The following DENND4C variants were observed in gnomAD, a reference collection of about 807,000 sequenced individuals.
The protein encoded by DENND4C is DENN domain containing 4C.
DENND4C carries 108 observed loss-of-function variants against 203.0 expected under a neutral mutation model. That is an observed-to-expected ratio of 0.53 (90% CI 0.46 to 0.62). DENND4C has a LOEUF of 0.62. DENND4C is among the 20% of genes least tolerant of loss of function. DENND4C has a pLI of 0.00. For missense variants in DENND4C, 2,481 were observed against 2,301.2 expected (o/e 1.08, Z -1.60); for synonymous variants, 871 against 792.4 (o/e 1.10, Z -1.67).
intron 10 of DENND4C, among the ~76,000 whole-genome samples, chr9:19,307,247 T>G (rs1413565197): frequency 1.3e-5 from 2 of 151,238 alleles, no homozygotes; most frequent in Non-Finnish European, 2.9e-5. Context: ...AATAAAAAAT[T>G]AGCTAGGAGT....
chr9:19,349,107 A>C lies in DENND4C; in HGVS notation c.4318-1595A>C, dbSNP rs924249879. Among the ~76,000 whole-genome samples, 8 of 152,022 alleles carry C rather than the reference A, an allele frequency of 5.3e-5. No homozygotes were observed. In the East Asian group the frequency reaches 1.3e-3, roughly 26 times the overall value. On this transcript the variant is annotated intron_variant, in intron 23 of 32. Transcript: ENST00000434457. ...AGCCACTGCACCCGGCCTTTGTTTT[A>C]TTTTTGAAATTTTATTGAGGTTGGT...
In DENND4C at chr9:19,346,412, A is replaced by G. The variant is rs761848258; in HGVS notation, c.3643A>G (p.Asn1215Asp). ...YESLLSDSNS[N>D]QSRDLKTVSK... ...GAGTCTACTAAGTGATAGTAACAGT[A>G]ATCAGTCCAGAGACTTGAAAACAGT... Residue 1215 changes from asparagine to aspartate, a missense_variant, in exon 23 of 33, where the codon AAT becomes GAT. This residue lies in a region of DENND4C where 2,289 missense variants were observed against 2,113.3 expected (regional missense o/e 1.08). Coordinates refer to ENST00000434457, the MANE Select transcript of DENND4C (RefSeq NM_001330640.2). The G allele has an allele frequency of 3.3e-5, 53 of 1,614,056 alleles. No individual in the cohort carries two copies. Among genetic ancestry groups the G allele is most frequent in the Non-Finnish European group, 4.1e-5 (48 of 1,180,032 alleles).
chr9:19,330,552 A>G (rs140961006), intron 16 of DENND4C, among the ~76,000 whole-genome samples: 3,239 of 151,716 alleles, frequency 0.021, 117 homozygotes, highest in African/African-American at 0.075. Context: ...GTTGGCCAGG[A>G]TGATCTCGAT....
At chr9:19,268,149 G>C (rs1163345324) in intron 1 of DENND4C, among the ~76,000 whole-genome samples, 5 of 151,718 alleles carry the variant, frequency 3.3e-5, no homozygotes, top group African/African-American at 1.2e-4. Flanking sequence ...GCCCATGCTG[G>C]AGTGCAGTGG....
intron 1 of DENND4C, among the ~76,000 whole-genome samples, chr9:19,266,737 T>A (rs906186454): frequency 6.6e-6 from 1 of 152,214 alleles, no homozygotes; most frequent in Admixed American, 6.5e-5. Context: ...AAGGATTCCT[T>A]ATTTAATAAA....
chr9:19,277,998 C>G (rs780340754), intron 2 of DENND4C, among the ~76,000 whole-genome samples: 1 of 150,844 alleles, frequency 6.6e-6, no homozygotes, highest in Non-Finnish European at 1.5e-5. Context: ...AACTATGATA[C>G]CATACCTTAA....
intron 1 of DENND4C, among the ~76,000 whole-genome samples, chr9:19,252,701 C>G (rs1019694419): frequency 7.1e-6 from 1 of 141,688 alleles, no homozygotes; most frequent in Admixed American, 7.7e-5. Flanking sequence ...TTAACCAAAT[C>G]AGCGTGTGTA....
At chr9:19,237,270 T>C (rs1822208259) in intron 1 of DENND4C, among the ~76,000 whole-genome samples, 2 of 151,974 alleles carry the variant, frequency 1.3e-5, no homozygotes, top group African/African-American at 2.4e-5. Flanking sequence ...CCGCCCACCT[T>C]GGCCTTCCAG....
chr9:19,233,402 G>C (rs1821061289), intron 1 of DENND4C, among the ~76,000 whole-genome samples: 1 of 152,022 alleles, frequency 6.6e-6, no homozygotes, highest in Non-Finnish European at 1.5e-5. Context: ...TAAAACAATA[G>C]GTCTTTAGCA....
rs1260090383 is a variant in DENND4C, at chr9:19,246,465, G to A, written c.-18+15632G>A. Among the ~76,000 whole-genome samples, 5 of 152,114 alleles carry A rather than the reference G, an allele frequency of 3.3e-5. No individual in the cohort carries two copies. In the East Asian group the frequency reaches 9.6e-4, roughly 29 times the overall value. The stretch of plus-strand genomic sequence containing the variant: ...TATTATTTTTTATAATAGAGATGAG[G>A]TCTCGCTATGTCAAGCAATCCTCCC... On this transcript the variant is annotated intron_variant, in intron 1 of 32. Transcript: ENST00000434457.
intron 1 of DENND4C, among the ~76,000 whole-genome samples, chr9:19,233,107 A>C (rs949850161): frequency 5.9e-5 from 9 of 152,132 alleles, no homozygotes; most frequent in Non-Finnish European, 1.5e-5. Context: ...ACAGGTTGTA[A>C]AGTAAAAAAG....
chr9:19,322,527 C>A (rs868365153), intron 12 of DENND4C, among the ~76,000 whole-genome samples: 1 of 151,762 alleles, frequency 6.6e-6, no homozygotes, highest in Non-Finnish European at 1.5e-5. Flanking sequence ...TTTCGGAGGC[C>A]GAGGTGGGCG....
intron 3 of DENND4C, among the ~76,000 whole-genome samples, chr9:19,287,279 C>T (rs1027380962): frequency 1.3e-5 from 2 of 152,124 alleles, no homozygotes; most frequent in East Asian, 3.9e-4. Flanking sequence ...AGGTTTTATT[C>T]ACTTTTGGAT....
At position 19,318,588 on chromosome 9, in the gene DENND4C, A is replaced by G. The variant is rs951809088; in HGVS notation, c.1807+1749A>G. On this transcript the variant is annotated intron_variant, in intron 12 of 32. Transcript: ENST00000434457. Reference sequence around the variant, plus strand: ...CAAAGTACCACAGACTAGGTGGCTTAAACAACAGAAATTATTTTCTCGTGG... The same window carrying G: ...CAAAGTACCACAGACTAGGTGGCTTGAACAACAGAAATTATTTTCTCGTGG... Among the ~76,000 whole-genome samples, 5 of 152,230 alleles carry G rather than the reference A, an allele frequency of 3.3e-5. No homozygotes were observed. In the East Asian group the frequency reaches 7.7e-4, roughly 23 times the overall value.
Position 19,360,353 on chromosome 9 carries a change from T to C in DENND4C, c.5270T>C (p.Val1757Ala), listed in dbSNP as rs766422533. The C allele has an allele frequency of 4.0e-5, 64 of 1,614,002 alleles. No individual in the cohort carries two copies. Among genetic ancestry groups the C allele is most frequent in the Non-Finnish European group, 5.2e-5 (61 of 1,180,006 alleles). Reference sequence around the variant, plus strand: ...TTGCTAGAAAATGAAGGTGATCAGGTGATTCATACATCTTCTTTCATCAAT... The same window carrying C: ...TTGCTAGAAAATGAAGGTGATCAGGCGATTCATACATCTTCTTTCATCAAT... ...ESLLENEGDQ[V>A]IHTSSFINQH... Residue 1757 changes from valine (V) to alanine (A), a missense_variant, in exon 29 of 33, where the codon GTG (valine) becomes GCG (alanine). Val to Ala is a moderately conservative substitution (Grantham distance 64). Transcript: ENST00000434457.
chr9:19,251,216 T>A (rs541959415), intron 1 of DENND4C, among the ~76,000 whole-genome samples: 31 of 152,224 alleles, frequency 2.0e-4, no homozygotes, highest in Non-Finnish European at 3.7e-4. Flanking sequence ...CTCACAGGCT[T>A]AACATCATGT....
Position 19,331,998 on chromosome 9 carries a change from A to ACCC in DENND4C, c.2274_2275insCCC (p.Lys758_Leu759insPro), listed in dbSNP as rs990554906. 1 of 1,613,686 alleles carries ACCC rather than the reference A, an allele frequency of 6.2e-7. No individual in the cohort carries two copies. Among genetic ancestry groups the ACCC allele is most frequent in the Non-Finnish European group, 8.5e-7 (1 of 1,179,906 alleles). On this transcript the variant is annotated inframe_insertion, in exon 17 of 33. Transcript: ENST00000434457. Reference sequence around the variant, plus strand: ...TCTAGGAAATAAAAACAGCTCATAAATTGGCGAAGAGATGTTATACAAATC... The same window carrying ACCC: ...TCTAGGAAATAAAAACAGCTCATAAACCCTTGGCGAAGAGATGTTATACAAATC...
At chr9:19,244,181 C>A (rs1438408318) in intron 1 of DENND4C, among the ~76,000 whole-genome samples, 2 of 152,112 alleles carry the variant, frequency 1.3e-5, no homozygotes, top group Non-Finnish European at 2.9e-5. Flanking sequence ...CAGGTGCACA[C>A]CATCACACCT....
intron 2 of DENND4C, among the ~76,000 whole-genome samples, chr9:19,284,499 A>G (rs892645286): frequency 2.6e-5 from 4 of 152,200 alleles, no homozygotes; most frequent in Admixed American, 2.0e-4. Flanking sequence ...GGATTAAAAG[A>G]TAAATGTGTA....
Sources: allele counts gnomAD v4.1 joint callset (sites outside exome capture counted in the v4.1 genomes callset), GRCh38; gene constraint gnomAD v4.1.1; regional missense constraint gnomAD v4.1.1; transcripts MANE v1.5; gene names NCBI Gene and HGNC (gene_info 2026-07-23, HGNC 2026-07-21).